The following PRKN variants were observed in gnomAD, a reference collection of about 807,000 sequenced individuals.
The protein encoded by PRKN is parkin RBR E3 ubiquitin protein ligase.
Under a neutral mutation model 59.5 loss-of-function variants are expected in PRKN, and 56 were observed. The observed-to-expected ratio is 0.94, with a 90% CI of 0.76 to 1.18. The LOEUF is 1.18. PRKN is among the 50% of genes most tolerant of loss of function. PRKN has a pLI of 0.00. For missense variants in PRKN, 657 were observed against 596.4 expected (o/e 1.10, Z -1.06); for synonymous variants, 250 against 222.1 (o/e 1.13, Z -1.12).
At chr6:161,574,376 T>G (rs114921382) in intron 7 of PRKN, among the ~76,000 whole-genome samples, 1 of 152,114 alleles carries the variant, frequency 6.6e-6, no homozygotes, top group East Asian at 1.9e-4. Context: ...TTTGGAGCAA[T>G]AGAGACCATG....
At chr6:162,677,736 T>C (rs1030020609) in intron 1 of PRKN, among the ~76,000 whole-genome samples, 2 of 152,170 alleles carry the variant, frequency 1.3e-5, no homozygotes, top group African/African-American at 4.8e-5. Context: ...TCAGGAGGTG[T>C]TGGCTAGCTT....
chr6:161,620,937 G>C (rs552372625), intron 7 of PRKN, among the ~76,000 whole-genome samples: 1 of 152,288 alleles, frequency 6.6e-6, no homozygotes. Flanking sequence ...GGAAGGCAGT[G>C]AGATGGAGGA....
chr6:162,161,326 T>A lies in PRKN; in HGVS notation c.534+39805A>T, dbSNP rs142270833. ...CCCAGTACCCCCTAGGAAGGCCATG[T>A]ATGTCACTAAAGGATGCTCACTTAA... On this transcript the variant is annotated intron_variant, in intron 4 of 11. Coordinates refer to ENST00000366898, the MANE Select transcript of PRKN (RefSeq NM_004562.3). Among the ~76,000 whole-genome samples, 1,350 of 152,300 alleles carry A rather than the reference T, an allele frequency of 8.9e-3. 24 individuals are homozygous for A. The highest frequency in any genetic ancestry group is 0.031 in the African/African-American group (1,273 of 41,572).
At chr6:161,572,377 C>A (rs973302056) in intron 7 of PRKN, among the ~76,000 whole-genome samples, 2 of 151,978 alleles carry the variant, frequency 1.3e-5, no homozygotes, top group African/African-American at 4.8e-5. Context: ...AAATAAAAAT[C>A]CTGGCCGGGC....
intron 7 of PRKN, among the ~76,000 whole-genome samples, chr6:161,684,305 A>G (rs1344405017): frequency 6.6e-6 from 1 of 152,094 alleles, no homozygotes; most frequent in African/African-American, 2.4e-5. Context: ...CATGTTGCCC[A>G]GGCTGGTCTC....
chr6:162,004,845 A>C (rs1188186375), intron 5 of PRKN, among the ~76,000 whole-genome samples: 1 of 152,214 alleles, frequency 6.6e-6, no homozygotes, highest in Non-Finnish European at 1.5e-5. Context: ...ATGGAAAGAA[A>C]ATTTCAAGGA....
chr6:161,759,154 C>G (rs550835164), intron 7 of PRKN, among the ~76,000 whole-genome samples: 1 of 144,450 alleles, frequency 6.9e-6, no homozygotes, highest in East Asian at 2.1e-4. Context: ...TCCAGCCTGG[C>G]GACAGAGTGA....
intron 1 of PRKN, among the ~76,000 whole-genome samples, chr6:162,505,813 C>T (rs1304976043): frequency 2.0e-5 from 3 of 152,088 alleles, no homozygotes; most frequent in Non-Finnish European, 2.9e-5. Flanking sequence ...GTCACATCAG[C>T]GTGATAAGTA....
At chr6:162,010,334 A>G (rs1782456714) in intron 5 of PRKN, among the ~76,000 whole-genome samples, 1 of 116,940 alleles carries the variant, frequency 8.6e-6, no homozygotes, top group African/African-American at 3.3e-5. Flanking sequence ...ATAATATATA[A>G]TATATAAATA....
intron 7 of PRKN, among the ~76,000 whole-genome samples, chr6:161,597,725 G>A (rs1781965459): frequency 6.6e-6 from 1 of 152,188 alleles, no homozygotes; most frequent in Non-Finnish European, 1.5e-5. Context: ...TGCCCATGCA[G>A]GCACATGTGG....
chr6:162,068,656 G>A (rs4365905), intron 4 of PRKN, among the ~76,000 whole-genome samples: 124,917 of 152,204 alleles, frequency 0.82, 51,431 homozygotes, highest in East Asian at 0.88. Context: ...ACTTCATCAA[G>A]TCAACAAGGA....
At chr6:162,209,022 C>T (rs533680029) in intron 3 of PRKN, among the ~76,000 whole-genome samples, 4 of 152,256 alleles carry the variant, frequency 2.6e-5, no homozygotes, top group Admixed American at 1.3e-4. Flanking sequence ...CAATGCCATT[C>T]AGGACACAGG....
intron 6 of PRKN, among the ~76,000 whole-genome samples, chr6:161,947,606 T>A (rs1377821827): frequency 6.6e-6 from 1 of 152,222 alleles, no homozygotes; most frequent in Non-Finnish European, 1.5e-5. Flanking sequence ...GTCATGGAAC[T>A]ACATCTTGTA....
intron 2 of PRKN, among the ~76,000 whole-genome samples, chr6:162,276,483 T>C (rs1035147026): frequency 1.3e-5 from 2 of 152,190 alleles, no homozygotes; most frequent in Non-Finnish European, 2.9e-5. Flanking sequence ...TGCATTCATT[T>C]TTTTGACTTT....
chr6:161,569,500 C>A, intron 7 of PRKN, 84 bp from the exon 8 acceptor site: 1 of 1,172,910 alleles, frequency 8.5e-7, no homozygotes, highest in South Asian at 1.2e-5. Flanking sequence ...TGACTATCAA[C>A]TGCCAGTGTT....
intron 4 of PRKN, among the ~76,000 whole-genome samples, chr6:162,144,472 A>C (rs1419191254): frequency 6.6e-6 from 1 of 152,204 alleles, no homozygotes; most frequent in Non-Finnish European, 1.5e-5. Flanking sequence ...TACAGATGAG[A>C]TCGAGGTGGA....
intron 5 of PRKN, among the ~76,000 whole-genome samples, chr6:162,021,724 A>G (rs991201945): frequency 2.6e-5 from 4 of 152,084 alleles, no homozygotes; most frequent in African/African-American, 7.2e-5. Flanking sequence ...TCCAGGTGGT[A>G]CATGTGCAGT....
intron 4 of PRKN, among the ~76,000 whole-genome samples, chr6:162,148,096 A>C (rs574852683): frequency 6.6e-6 from 1 of 152,340 alleles, no homozygotes; most frequent in South Asian, 2.1e-4. Flanking sequence ...TCACTGCTTA[A>C]CATAATCCAG....
chr6:161,708,522 G>A (rs544205352), intron 7 of PRKN, among the ~76,000 whole-genome samples: 6 of 151,592 alleles, frequency 4.0e-5, no homozygotes, highest in African/African-American at 1.5e-4. Flanking sequence ...GTATGGGGGG[G>A]AGGTATTTCT....
Sources: gnomAD v4.1 joint callset for allele counts (sites outside exome capture counted in the v4.1 genomes callset) on GRCh38, gnomAD v4.1.1 for gene constraint, MANE v1.5 for transcripts, NCBI Gene and HGNC (gene_info 2026-07-23, HGNC 2026-07-21) for gene names.